CHIC1: variants seen among roughly 807,000 people sequenced by gnomAD.
CHIC1 encodes the protein cysteine rich hydrophobic domain 1.
CHIC1 carries 7 observed loss-of-function variants against 18.5 expected under a neutral mutation model. The ratio of observed to expected loss-of-function variants is 0.38; its 90% CI spans 0.22 to 0.71. The LOEUF (loss-of-function observed/expected upper bound fraction) is 0.71, where lower values mean the gene tolerates loss of function less well. Among genes scored for constraint, CHIC1 ranks in the 30% least tolerant of loss-of-function variants. CHIC1 has a pLI of 0.49. For missense variants in CHIC1, 159 were observed against 176.9 expected (o/e 0.90, Z 0.57); for synonymous variants, 77 against 73.5 (o/e 1.05, Z -0.25).
At chrX:73,611,803 C>A (rs1351322070) in intron 3 of CHIC1, among the ~76,000 whole-genome samples, 1 of 108,232 alleles carries the variant, frequency 9.2e-6, no homozygotes, top group African/African-American at 3.6e-5. Context: ...TGTTTTTTGG[C>A]TGCATAAATG....
chrX:73,581,077 G>C (rs1429035841), intron 2 of CHIC1, among the ~76,000 whole-genome samples: 1 of 110,874 alleles, frequency 9.0e-6, no homozygotes, highest in Non-Finnish European at 1.9e-5. Flanking sequence ...TTGGCCCTCA[G>C]CTTGAAACAA....
chrX:73,631,182 T>A (rs1314328003), intron 3 of CHIC1, among the ~76,000 whole-genome samples: 5 of 111,903 alleles, frequency 4.5e-5, no homozygotes, highest in African/African-American at 1.6e-4. Flanking sequence ...TTTCTTTATC[T>A]TTTCAAAAAG....
At chrX:73,600,905 C>A (rs1449493512) in intron 3 of CHIC1, among the ~76,000 whole-genome samples, 2 of 107,393 alleles carry the variant, frequency 1.9e-5, no homozygotes, top group Non-Finnish European at 1.9e-5. Flanking sequence ...GCAGGGGTTG[C>A]AATCCTAGTC....
chrX:73,638,164 A>G (rs2057839292), intron 3 of CHIC1, among the ~76,000 whole-genome samples: 1 of 111,362 alleles, frequency 9.0e-6, no homozygotes, highest in African/African-American at 3.3e-5. Flanking sequence ...TCTTAATTTC[A>G]CAACCAGTCT....
rs2058117270 is a variant in CHIC1 at position 73,685,363 on chromosome X, C to G, written c.*4358C>G. 9.0e-6 allele frequency: 1 copy of G among 111,504 alleles called. No homozygotes were observed. The highest frequency in any genetic ancestry group is 3.7e-4 in the South Asian group (1 of 2,700). The allele number at this position is 111,504 out of a possible 1,213,427, so 9.2% of individuals were successfully genotyped here. ...AGAATCTGTCTATGCAGTTGGTATT[C>G]AGGCAAGAATTTTAGCTGTAACAAC... is the stretch of plus-strand genomic sequence containing the variant. On this transcript the variant is annotated 3_prime_UTR_variant, in exon 6 of 6. Coordinates refer to ENST00000373502, the MANE Select transcript of CHIC1 (RefSeq NM_001039840.4).
chrX:73,643,651 T>C lies in CHIC1; in HGVS notation c.508-35675T>C, dbSNP rs759648522. ...CATCACTGATACCCTTTCTTCCAGT[T>C]GATCGCATCGGCTCCTGAGGCTTCT... On this transcript the variant is annotated intron_variant, in intron 3 of 5. Coordinates refer to ENST00000373502, the MANE Select transcript of CHIC1 (RefSeq NM_001039840.4). Among the ~76,000 whole-genome samples the C allele has an allele frequency of 8.9e-5, 10 of 112,340 alleles. No individual in the cohort carries two copies. The South Asian group carries it at 3.4e-3, about 38-fold the overall frequency.
At position 73,678,841 on chromosome X, in the gene CHIC1, G is replaced by A. The variant is rs372962775; in HGVS notation, c.508-485G>A. Among the ~76,000 whole-genome samples, 3 of 111,263 alleles carry A rather than the reference G, an allele frequency of 2.7e-5. No homozygotes were observed. In the South Asian group the frequency reaches 1.1e-3, roughly 42 times the overall value. On this transcript the variant is annotated intron_variant, in intron 3 of 5. Coordinates refer to ENST00000373502, the MANE Select transcript of CHIC1 (RefSeq NM_001039840.4). ...GTTGGCTTTCTTTATTCAGCCTATA[G>A]ACCTTGACTGAATGCTATATGACAG...
Position 73,563,428 on chromosome X carries a change from GGAGGAAGAGGAGGAA to G in CHIC1, c.150_164del (p.Glu64_Glu68del). ...GGCCCGACGATGACGAGGAGGATGAGGAGGAAGAGGAGGAAGAGGAGGAGGAGGAAGAAGAGGAGG... is the reference window on the plus strand; with the variant it reads ...GGCCCGACGATGACGAGGAGGATGAGGAGGAGGAGGAGGAAGAAGAGGAGG... On this transcript the variant is annotated inframe_deletion, in exon 1 of 6. Transcript: ENST00000373502. The G allele has an allele frequency of 8.7e-7, 1 of 1,149,687 alleles. No homozygotes were observed. The allele number at this position is 1,149,687 out of a possible 1,213,427, so 94.7% of individuals were successfully genotyped here. A position where few individuals can be genotyped will look rare whatever the true frequency, so the allele number is the denominator to read the frequency against.
chrX:73,673,883 G>A (rs1010724670), intron 3 of CHIC1, among the ~76,000 whole-genome samples: 9 of 111,668 alleles, frequency 8.1e-5, no homozygotes, highest in African/African-American at 2.9e-4. Flanking sequence ...TTGGTTGTGG[G>A]TTTGTCATAG....
intron 3 of CHIC1, among the ~76,000 whole-genome samples, chrX:73,622,087 A>G (rs761771597): frequency 1.8e-5 from 2 of 111,958 alleles, no homozygotes; most frequent in Non-Finnish European, 3.8e-5. Context: ...TTGCTGCTGG[A>G]TTTGGTTTGC....
chrX:73,607,219 G>A (rs1175698948), intron 3 of CHIC1, among the ~76,000 whole-genome samples: 1 of 108,830 alleles, frequency 9.2e-6, no homozygotes, highest in Non-Finnish European at 1.9e-5. Context: ...GGCTACAGCG[G>A]CTTTGCCAAG....
At chrX:73,626,714 A>G (rs2057785071) in intron 3 of CHIC1, among the ~76,000 whole-genome samples, 1 of 110,548 alleles carries the variant, frequency 9.0e-6, no homozygotes, top group Non-Finnish European at 1.9e-5. Flanking sequence ...GTTATCTTGA[A>G]TTTCTTTGAG....
rs760677115 is a variant in CHIC1, at chrX:73,650,764, A to C, written c.508-28562A>C. On this transcript the variant is annotated intron_variant, in intron 3 of 5. Coordinates refer to ENST00000373502, the MANE Select transcript of CHIC1 (RefSeq NM_001039840.4). ...CACAGCCGAAATCTACCAGAAGTAC[A>C]AAGAGGAGTTGGTACCATTTCTTCT... Among the ~76,000 whole-genome samples the C allele has an allele frequency of 9.3e-4, 102 of 110,189 alleles. 1 individual carries two copies. Among genetic ancestry groups the C allele is most frequent in the Admixed American group, 2.0e-3 (21 of 10,350 alleles).
chrX:73,576,613 G>A (rs2057500749), intron 1 of CHIC1, among the ~76,000 whole-genome samples: 1 of 110,523 alleles, frequency 9.0e-6, no homozygotes, highest in Admixed American at 9.6e-5. Context: ...CACCTCATAT[G>A]GAGTTCTCAG....
chrX:73,622,719 C>A (rs1264917180), intron 3 of CHIC1, among the ~76,000 whole-genome samples: 1 of 111,228 alleles, frequency 9.0e-6, no homozygotes, highest in Non-Finnish European at 1.9e-5. Context: ...TATTTCTTGT[C>A]TTCTGCCAAC....
At chrX:73,599,203 T>G (rs766965062) in intron 3 of CHIC1, among the ~76,000 whole-genome samples, 9 of 110,431 alleles carry the variant, frequency 8.1e-5, no homozygotes, top group Non-Finnish European at 1.5e-4. Context: ...TGTAAATCTG[T>G]TTGAGTTCAT....
chrX:73,577,116 TC>T (rs36097573), intron 1 of CHIC1, among the ~76,000 whole-genome samples: 1 of 110,653 alleles, frequency 9.0e-6, no homozygotes, highest in Admixed American at 9.6e-5. Flanking sequence ...AATGGACACT[TC>T]CAGCTCAATA....
intron 3 of CHIC1, among the ~76,000 whole-genome samples, chrX:73,595,348 G>A (rs766273728): frequency 3.4e-4 from 38 of 110,162 alleles, no homozygotes; most frequent in Admixed American, 3.1e-3. Flanking sequence ...GACAGGCCCC[G>A]GTGTGTGCTG....
intron 3 of CHIC1, among the ~76,000 whole-genome samples, chrX:73,585,946 A>C (rs1234847876): frequency 9.0e-6 from 1 of 111,255 alleles, no homozygotes; most frequent in Non-Finnish European, 1.9e-5. Flanking sequence ...GCTCATAGTG[A>C]AGTTGAGGCA....
Sources: gnomAD v4.1 joint callset for allele counts (sites outside exome capture counted in the v4.1 genomes callset) on GRCh38, gnomAD v4.1.1 for gene constraint, MANE v1.5 for transcripts, NCBI Gene and HGNC (gene_info 2026-07-23, HGNC 2026-07-21) for gene names.